TMEM132B: variants seen among roughly 807,000 people sequenced by gnomAD.
TMEM132B encodes transmembrane protein 132B.
A neutral mutation model predicts 90.8 loss-of-function variants in TMEM132B; 18 were observed. That is an observed-to-expected ratio of 0.20 (90% CI 0.14 to 0.29). TMEM132B has a LOEUF of 0.29. Among genes scored for constraint, TMEM132B ranks in the 10% least tolerant of loss-of-function variants. TMEM132B has a pLI of 1.00. For synonymous variants in TMEM132B, 504 were observed against 523.3 expected, an observed-to-expected ratio of 0.96 and a Z score of 0.50; for missense variants, 1,096 against 1,326.8, an observed-to-expected ratio of 0.83 and a Z score of 2.70.
At chr12:125,575,020 A>G (rs1441652207) in intron 4 of TMEM132B, among the ~76,000 whole-genome samples, 1 of 128,416 alleles carries the variant, frequency 7.8e-6, no homozygotes, top group Admixed American at 8.8e-5. Context: ...GAATATTTCC[A>G]TCACTCCTCC....
chr12:125,617,761 G>A (rs1002343861), intron 5 of TMEM132B, among the ~76,000 whole-genome samples: 7 of 151,988 alleles, frequency 4.6e-5, no homozygotes, highest in Admixed American at 1.3e-4. Context: ...ATAATGCCCC[G>A]GGGCATAAGT....
chr12:125,258,977 C>T (rs945031486), intron 1 of TMEM132B, among the ~76,000 whole-genome samples: 8 of 152,088 alleles, frequency 5.3e-5, no homozygotes, highest in East Asian at 1.9e-4. Context: ...ACATACGATA[C>T]GGCATTGAGC....
intron 3 of TMEM132B, among the ~76,000 whole-genome samples, chr12:125,515,312 C>CA (rs1566059786): frequency 1.3e-5 from 2 of 151,804 alleles, no homozygotes. Flanking sequence ...ACACTATTCA[C>CA]ATGTTCTCTT....
intron 1 of TMEM132B, among the ~76,000 whole-genome samples, chr12:125,215,349 G>C (rs1052433352): frequency 6.6e-6 from 1 of 152,160 alleles, no homozygotes; most frequent in Non-Finnish European, 1.5e-5. Flanking sequence ...GTGTCAGCAG[G>C]CTGCATTCCT....
At chr12:125,457,744 G>T (rs547880523) in intron 3 of TMEM132B, among the ~76,000 whole-genome samples, 14 of 152,294 alleles carry the variant, frequency 9.2e-5, no homozygotes, top group Admixed American at 2.0e-4. Context: ...TGGTGTGCTT[G>T]TCTAGCTGAG....
intron 5 of TMEM132B, among the ~76,000 whole-genome samples, chr12:125,640,668 A>G (rs1315508649): frequency 7.6e-6 from 1 of 132,244 alleles, no homozygotes; most frequent in Non-Finnish European, 1.6e-5. Flanking sequence ...AGCAGTCAGC[A>G]GTCAGGTGCC....
rs183815663 is a variant in TMEM132B at position 125,395,515 on chromosome 12, G to A, written c.960-20016G>A. Among the ~76,000 whole-genome samples the A allele has an allele frequency of 9.9e-5, 15 of 152,276 alleles. No individual in the cohort carries two copies. In the South Asian group the frequency reaches 1.0e-3, roughly 11 times the overall value. ...ATATTTGCTCTCTGTGCTCACAAGGGCAGTTGAAATATTGAACATCCTTCC... is the reference window on the plus strand; with the variant it reads ...ATATTTGCTCTCTGTGCTCACAAGGACAGTTGAAATATTGAACATCCTTCC... On this transcript the variant is annotated intron_variant, in intron 2 of 8. Transcript: ENST00000682704.
chr12:125,560,794 C>T lies in TMEM132B; in HGVS notation c.1294-23057C>T, dbSNP rs566952430. Among the ~76,000 whole-genome samples the T allele has an allele frequency of 6.3e-3, 792 of 126,118 alleles. 9 individuals are homozygous for T. The highest frequency in any genetic ancestry group is 0.023 in the African/African-American group (758 of 33,576). 82.7% of individuals were successfully genotyped at this position (126,118 alleles called of 152,430 possible). A position where few individuals can be genotyped will look rare whatever the true frequency, so the allele number is the denominator to read the frequency against. On this transcript the variant is annotated intron_variant, in intron 4 of 8. Coordinates refer to ENST00000682704, the MANE Select transcript of TMEM132B (RefSeq NM_001366854.1). The stretch of plus-strand genomic sequence containing the variant: ...GAGCCAAGATTGCGCCACTGCAGTC[C>T]GCAGTCCGGCCTGGGTGACAGAGCG...
intron 1 of TMEM132B, among the ~76,000 whole-genome samples, chr12:125,219,288 A>C (rs1483029560): frequency 4.6e-5 from 7 of 152,234 alleles, no homozygotes; most frequent in Non-Finnish European, 8.8e-5. Context: ...TGGTCTCTGC[A>C]GAATTCTATT....
intron 3 of TMEM132B, among the ~76,000 whole-genome samples, chr12:125,455,771 A>G (rs1881277727): frequency 6.6e-6 from 1 of 151,774 alleles, no homozygotes; most frequent in South Asian, 2.1e-4. Flanking sequence ...GGGTGGAGCC[A>G]TGTGATGATT....
chr12:125,634,730 G>GCCTCC (rs1272988127), intron 5 of TMEM132B, among the ~76,000 whole-genome samples: 5 of 152,188 alleles, frequency 3.3e-5, no homozygotes, highest in African/African-American at 1.2e-4. Flanking sequence ...GGGAGCTAGA[G>GCCTCC]CATGGAAAGG....
At chr12:125,282,059 A>G (rs1232560966) in intron 1 of TMEM132B, among the ~76,000 whole-genome samples, 1 of 31,628 alleles carries the variant, frequency 3.2e-5, no homozygotes, top group African/African-American at 1.5e-4. Context: ...AAAAAAAAAA[A>G]AGAGAGACTT....
chr12:125,402,821 C>G (rs750203776), intron 2 of TMEM132B, among the ~76,000 whole-genome samples: 1 of 152,106 alleles, frequency 6.6e-6, no homozygotes, highest in Non-Finnish European at 1.5e-5. Flanking sequence ...ATTCATACAG[C>G]AAATGTTTAT....
At chr12:125,376,684 G>T (rs545071806) in intron 2 of TMEM132B, among the ~76,000 whole-genome samples, 73 of 152,278 alleles carry the variant, frequency 4.8e-4, no homozygotes, top group African/African-American at 1.7e-3. Context: ...TTGAGGGAGG[G>T]GTACAAAGAG....
chr12:125,397,171 T>C (rs1593122239), intron 2 of TMEM132B, among the ~76,000 whole-genome samples: 1 of 151,952 alleles, frequency 6.6e-6, no homozygotes, highest in Admixed American at 6.6e-5. Flanking sequence ...TGGGGTTTCA[T>C]CATGTTGGCC....
intron 3 of TMEM132B, among the ~76,000 whole-genome samples, chr12:125,447,567 A>G (rs1355549600): frequency 6.6e-6 from 1 of 152,070 alleles, no homozygotes; most frequent in Non-Finnish European, 1.5e-5. Flanking sequence ...AATAGTCAAC[A>G]CTCACATATA....
At chr12:125,285,493 T>C (rs996742009) in intron 1 of TMEM132B, among the ~76,000 whole-genome samples, 1 of 152,232 alleles carries the variant, frequency 6.6e-6, no homozygotes, top group Non-Finnish European at 1.5e-5. Flanking sequence ...TGCTGAGCTC[T>C]GGGCATCCAT....
intron 3 of TMEM132B, among the ~76,000 whole-genome samples, chr12:125,425,566 C>T (rs1233960140): frequency 6.6e-6 from 1 of 152,154 alleles, no homozygotes; most frequent in African/African-American, 2.4e-5. Context: ...AGGATAGCTC[C>T]ACTACCCTAA....
At chr12:125,378,984 G>A (rs1249834691) in intron 2 of TMEM132B, among the ~76,000 whole-genome samples, 1 of 152,132 alleles carries the variant, frequency 6.6e-6, no homozygotes, top group Non-Finnish European at 1.5e-5. Flanking sequence ...CCAGCATCTG[G>A]TGGTCTCTCT....
Sources: gnomAD v4.1 joint callset for allele counts (sites outside exome capture counted in the v4.1 genomes callset) on GRCh38, gnomAD v4.1.1 for gene constraint, MANE v1.5 for transcripts, NCBI Gene and HGNC (gene_info 2026-07-23, HGNC 2026-07-21) for gene names.